Variants in IL1RL2 observed in about 807,000 individuals in gnomAD.
IL1RL2 encodes interleukin-1 receptor-like 2.
Under a neutral mutation model 66.8 loss-of-function variants are expected in IL1RL2, and 68 were observed. That is an observed-to-expected ratio of 1.02 (90% CI 0.84 to 1.25). The LOEUF is 1.25. Ranked by LOEUF, IL1RL2 falls within the 50% of genes most tolerant of loss-of-function variation. The pLI is 0.00. For missense variants in IL1RL2, 729 were observed against 709.3 expected, an observed-to-expected ratio of 1.03 and a Z score of -0.32; for synonymous variants, 305 against 264.6, an observed-to-expected ratio of 1.15 and a Z score of -1.48.
intron 5 of IL1RL2, among the ~76,000 whole-genome samples, chr2:102,205,604 G>C (rs112739864): frequency 6.6e-6 from 1 of 152,328 alleles, no homozygotes; most frequent in East Asian, 1.9e-4. Context: ...GCTGCTAGAT[G>C]TATTAGAGCT....
chr2:102,225,290 G>A (rs1690502162), intron 8 of IL1RL2, among the ~76,000 whole-genome samples: 1 of 152,234 alleles, frequency 6.6e-6, no homozygotes, highest in Non-Finnish European at 1.5e-5. Context: ...CTGAGACTGT[G>A]CCTCTCGCAC....
chr2:102,187,553 C>T (rs1320827267), intron 1 of IL1RL2, among the ~76,000 whole-genome samples: 2 of 152,166 alleles, frequency 1.3e-5, no homozygotes, highest in Non-Finnish European at 1.5e-5. Flanking sequence ...GCCTGCTTCG[C>T]TGTCAGGTGG....
At chr2:102,224,311 T>A (rs1690408774) in intron 8 of IL1RL2, among the ~76,000 whole-genome samples, 1 of 152,206 alleles carries the variant, frequency 6.6e-6, no homozygotes. Context: ...AGATGTAGAA[T>A]CAACCTAAGT....
At chr2:102,233,292 T>C (rs566892979) in intron 10 of IL1RL2, among the ~76,000 whole-genome samples, 168 bp downstream of exon 10, 13 of 151,682 alleles carry the variant, frequency 8.6e-5, no homozygotes, top group African/African-American at 3.1e-4. Flanking sequence ...GCCAAGGAGG[T>C]TAGGCCCAAG....
intron 2 of IL1RL2, among the ~76,000 whole-genome samples, chr2:102,188,833 C>A (rs1578078314): frequency 6.6e-6 from 1 of 151,732 alleles, no homozygotes; most frequent in East Asian, 1.9e-4. Flanking sequence ...GGAAATCACT[C>A]CCGATGGGGA....
chr2:102,192,174 G>GT (rs1687289144), intron 4 of IL1RL2, 54 bp downstream of exon 4: 33 of 1,217,376 alleles, frequency 2.7e-5, no homozygotes, highest in Non-Finnish European at 3.2e-5. Context: ...AAAACCCACT[G>GT]TTTTTTATAG....
chr2:102,203,758 A>G (rs1338503275), intron 5 of IL1RL2, among the ~76,000 whole-genome samples: 3 of 151,812 alleles, frequency 2.0e-5, no homozygotes, highest in African/African-American at 4.8e-5. Flanking sequence ...ATCAGTTGTA[A>G]TGTCTCCTTA....
At chr2:102,235,919 T>A (rs1674836519) in intron 11 of IL1RL2, 1 of 985,318 alleles carries the variant, frequency 1.0e-6, no homozygotes, top group Non-Finnish European at 1.2e-6. Context: ...TTGGTCACCC[T>A]TCCATGTTTG....
At chr2:102,236,839 A>G (rs530507548) in intron 11 of IL1RL2, among the ~76,000 whole-genome samples, 1 of 152,316 alleles carries the variant, frequency 6.6e-6, no homozygotes, top group East Asian at 1.9e-4. Context: ...ATTCATTACT[A>G]CTATTACATT....
intron 11 of IL1RL2, chr2:102,235,983 T>C (rs1305965581): frequency 2.1e-6 from 2 of 971,520 alleles, no homozygotes; most frequent in Non-Finnish European, 2.4e-6. Context: ...CTCTCTCTTT[T>C]AGACACATGT....
In IL1RL2 at chr2:102,235,916, C is replaced by T. The variant is rs1312868293; in HGVS notation, c.1678+639C>T. On this transcript the variant is annotated intron_variant, in intron 11 of 11. Coordinates refer to ENST00000264257, the MANE Select transcript of IL1RL2 (RefSeq NM_003854.4). ...AGTGGCCATGACTGCCTCTTGGTCA[C>T]CCTTCCATGTTTGAGAGGCTTTATC... is the stretch of plus-strand genomic sequence containing the variant. The T allele has an allele frequency of 3.0e-6, 3 of 985,424 alleles. No homozygotes were observed. The Admixed American group carries it at 1.8e-4, about 61-fold the overall frequency. 61.0% of individuals were successfully genotyped at this position (985,424 alleles called of 1,614,324 possible). A position where few individuals can be genotyped will look rare whatever the true frequency, so the allele number is the denominator to read the frequency against.
In IL1RL2 at chr2:102,187,860, G is replaced by T. The variant is rs1037736511; in HGVS notation, c.-8G>T. On this transcript the variant is annotated 5_prime_UTR_variant, in exon 2 of 12. Coordinates refer to ENST00000264257, the MANE Select transcript of IL1RL2 (RefSeq NM_003854.4). Reference sequence around the variant, plus strand: ...CCTCTTCTCCCTTCCTTGCAGCCCGGTTTGGGGATGTGGTCCTTGCTGCTC... The same window carrying T: ...CCTCTTCTCCCTTCCTTGCAGCCCGTTTTGGGGATGTGGTCCTTGCTGCTC... 1 of 1,614,146 alleles carries T rather than the reference G, an allele frequency of 6.2e-7. No individual in the cohort carries two copies. Among genetic ancestry groups the T allele is most frequent in the Middle Eastern group, 1.6e-4 (1 of 6,062 alleles).
At position 102,223,608 on chromosome 2, in the gene IL1RL2, G is replaced by A. The variant is rs111267215; in HGVS notation, c.992-2290G>A. On this transcript the variant is annotated intron_variant, in intron 8 of 11. Transcript: ENST00000264257. ...TCTCTTTTAGCTCGTTTACAGAGCA[G>A]AGGGCATCAGTACTCTCGAAGGCAA... 6.8e-3 allele frequency among the ~76,000 whole-genome samples: 1,043 copies of A among 152,284 alleles called. 5 individuals are homozygous for A. Among genetic ancestry groups the A allele is most frequent in the Middle Eastern group, 0.044 (13 of 294 alleles).
At position 102,239,606 on chromosome 2, in the gene IL1RL2, C is replaced by T. The variant is rs578255860; in HGVS notation, c.*365C>T. ...ATCCCTGTGTCATGGTGGGTGAGGGCGGGTGGTCATCCACATGGTCATAGT... is the reference window on the plus strand; with the variant it reads ...ATCCCTGTGTCATGGTGGGTGAGGGTGGGTGGTCATCCACATGGTCATAGT... On this transcript the variant is annotated 3_prime_UTR_variant, in exon 12 of 12. Coordinates refer to ENST00000264257, the MANE Select transcript of IL1RL2 (RefSeq NM_003854.4). 3.0e-5 allele frequency: 7 copies of T among 233,888 alleles called. No individual in the cohort carries two copies. Among genetic ancestry groups the T allele is most frequent in the African/African-American group, 1.4e-4 (6 of 42,516 alleles). The allele number at this position is 233,888 out of a possible 1,614,324, so 14.5% of individuals were successfully genotyped here.
chr2:102,198,858 G>C (rs2104748076), intron 4 of IL1RL2, among the ~76,000 whole-genome samples: 1 of 152,034 alleles, frequency 6.6e-6, no homozygotes, highest in Middle Eastern at 3.4e-3. Flanking sequence ...TCTTCCACTT[G>C]GACCTTTCTT....
intron 6 of IL1RL2, among the ~76,000 whole-genome samples, chr2:102,217,851 G>T (rs543528039): frequency 6.6e-6 from 1 of 152,188 alleles, no homozygotes; most frequent in South Asian, 2.1e-4. Context: ...TAGAGGAATT[G>T]CTCATGACAT....
Position 102,203,165 on chromosome 2 carries a change from A to G in IL1RL2, c.649+1450A>G, listed in dbSNP as rs148560102. On this transcript the variant is annotated intron_variant, in intron 5 of 11. Transcript: ENST00000264257. ...GGTTTTTAGCCTTTATTCTGTTGAT[A>G]TGATGTATTACATTGATTGATTTGC... Among the ~76,000 whole-genome samples, 796 of 152,314 alleles carry G rather than the reference A, an allele frequency of 5.2e-3. 7 individuals are homozygous for G. The highest frequency in any genetic ancestry group is 0.018 in the African/African-American group (759 of 41,574).
intron 8 of IL1RL2, among the ~76,000 whole-genome samples, chr2:102,224,675 C>A (rs1690445640): frequency 6.6e-6 from 1 of 151,912 alleles, no homozygotes; most frequent in African/African-American, 2.4e-5. Context: ...AACAAAATGA[C>A]TATAGATAGG....
intron 8 of IL1RL2, among the ~76,000 whole-genome samples, chr2:102,224,573 GT>G (rs1690434133): frequency 6.6e-6 from 1 of 152,218 alleles, no homozygotes; most frequent in South Asian, 2.1e-4. Context: ...GGGAAGGGTA[GT>G]GGTGAAGCGG....
Sources: allele counts gnomAD v4.1 joint callset (sites outside exome capture counted in the v4.1 genomes callset), GRCh38; gene constraint gnomAD v4.1.1; transcripts MANE v1.5; gene names NCBI Gene and HGNC (gene_info 2026-07-23, HGNC 2026-07-21).